Variants in TENM3 observed in about 807,000 individuals in gnomAD.
TENM3 encodes teneurin transmembrane protein 3.
TENM3 carries 63 observed loss-of-function variants against 255.1 expected under a neutral mutation model. The ratio of observed to expected loss-of-function variants is 0.25; its 90% confidence interval spans 0.20 to 0.30. The LOEUF (loss-of-function observed/expected upper bound fraction) is 0.30. Among genes scored for constraint, TENM3 ranks in the 10% least tolerant of loss-of-function variants. The pLI is 1.00. For synonymous variants in TENM3, 1,306 were observed against 1,322.3 expected (o/e 0.99, Z 0.27); for missense variants, 2,929 against 3,461.1 (o/e 0.85, Z 3.86).
At chr4:182,358,503 G>A (rs1580279287) in intron 3 of TENM3, among the ~76,000 whole-genome samples, 2 of 48,272 alleles carry the variant, frequency 4.1e-5, no homozygotes, top group East Asian at 1.5e-3. Context: ...GTTCCCTCAT[G>A]ATTTGGCTCT....
At chr4:182,178,901 A>C (rs924088328) in intron 1 of TENM3, among the ~76,000 whole-genome samples, 11 of 152,202 alleles carry the variant, frequency 7.2e-5, no homozygotes, top group Admixed American at 2.0e-4. Context: ...TGTTCCAGAT[A>C]TTTAAAAGCA....
chr4:181,815,250 G>A, the TENM3 span, among the ~76,000 whole-genome samples: 5 of 150,574 alleles, frequency 3.3e-5, no homozygotes, highest in Admixed American at 6.6e-5. Flanking sequence ...TCAGGAGTTC[G>A]AGACCAGCCT....
At position 182,675,267 on chromosome 4, in the gene TENM3, G is replaced by C. The variant is rs557788877; in HGVS notation, c.1326+2048G>C. ...TAATAACCAGATTTTCTTAAGGCTA[G>C]GCACAGTGACTTAGGCCTGTAATCC... On this transcript the variant is annotated intron_variant, in intron 7 of 27. Transcript: ENST00000511685. Among the ~76,000 whole-genome samples the C allele has an allele frequency of 3.3e-5, 5 of 152,206 alleles. No homozygotes were observed. The South Asian group carries it at 1.0e-3, about 32-fold the overall frequency.
intron 3 of TENM3, among the ~76,000 whole-genome samples, chr4:182,589,446 ATTTT>A (rs367629189): frequency 2.3e-5 from 3 of 129,396 alleles, no homozygotes; most frequent in Non-Finnish European, 4.8e-5. Flanking sequence ...TAGGTTTTTA[ATTTT>A]TTTTTTTTTT....
the TENM3 span, among the ~76,000 whole-genome samples, chr4:181,819,119 G>A: frequency 1.3e-5 from 2 of 152,052 alleles, no homozygotes; most frequent in Non-Finnish European, 1.5e-5. Context: ...TCCCTTCCTG[G>A]CTATGCCTCT....
the TENM3 span, among the ~76,000 whole-genome samples, chr4:181,485,438 T>A: frequency 6.6e-6 from 1 of 152,114 alleles, no homozygotes; most frequent in Non-Finnish European, 1.5e-5. Flanking sequence ...ATTCATCACT[T>A]GTCTAATTTA....
At chr4:182,583,048 T>C (rs973957048) in intron 3 of TENM3, among the ~76,000 whole-genome samples, 11 of 152,190 alleles carry the variant, frequency 7.2e-5, no homozygotes, top group Non-Finnish European at 1.2e-4. Context: ...AATGTTAATA[T>C]TTTTATTCTC....
At chr4:181,812,598 A>G in the TENM3 span, among the ~76,000 whole-genome samples, 2 of 152,178 alleles carry the variant, frequency 1.3e-5, no homozygotes, top group African/African-American at 4.8e-5. Flanking sequence ...TCTGAGTGCC[A>G]ATTTCTCTGC....
At chr4:182,002,270 ATGAAACAAGTCAG>A in the TENM3 span, among the ~76,000 whole-genome samples, 1 of 152,120 alleles carries the variant, frequency 6.6e-6, no homozygotes, top group Non-Finnish European at 1.5e-5. Context: ...TGGGATGCCC[ATGAAACAAGTCAG>A]AGTTGATGAA....
At chr4:182,786,634 T>C (rs1765684225) in intron 24 of TENM3, among the ~76,000 whole-genome samples, 1 of 151,120 alleles carries the variant, frequency 6.6e-6, no homozygotes. Context: ...CAGCACGTCA[T>C]ATCCACTCTG....
the TENM3 span, among the ~76,000 whole-genome samples, chr4:181,627,317 GAAGT>G: frequency 3.3e-5 from 5 of 152,186 alleles, no homozygotes; most frequent in South Asian, 1.0e-3. Context: ...CTCACAAAGG[GAAGT>G]AAGTGTGCAC....
At chr4:181,801,694 AT>A in the TENM3 span, among the ~76,000 whole-genome samples, 4 of 126,888 alleles carry the variant, frequency 3.2e-5, no homozygotes, top group African/African-American at 1.2e-4. Context: ...ATATATATAT[AT>A]ATGCAACAAT....
At chr4:182,612,473 G>A (rs1022893025) in intron 4 of TENM3, among the ~76,000 whole-genome samples, 2 of 152,066 alleles carry the variant, frequency 1.3e-5, no homozygotes, top group East Asian at 1.9e-4. Flanking sequence ...TAGGTTCCAC[G>A]ATCACCCATG....
the TENM3 span, among the ~76,000 whole-genome samples, chr4:182,053,766 T>A: frequency 1.3e-5 from 2 of 152,164 alleles, no homozygotes; most frequent in South Asian, 4.1e-4. Context: ...ATTTAATCTG[T>A]TCACTTGAAT....
intron 3 of TENM3, among the ~76,000 whole-genome samples, chr4:182,569,001 A>G (rs1215588670): frequency 2.6e-5 from 4 of 152,170 alleles, no homozygotes; most frequent in African/African-American, 9.7e-5. Flanking sequence ...GGAGGAAGGG[A>G]ATTGTCTGGA....
chr4:182,244,054 CG>C (rs1365576443), intron 1 of TENM3, among the ~76,000 whole-genome samples: 2 of 148,180 alleles, frequency 1.3e-5, no homozygotes, highest in Non-Finnish European at 3.0e-5. Context: ...CCCGGGTTCA[CG>C]CCATTCTCCT....
At chr4:181,554,395 G>C in the TENM3 span, among the ~76,000 whole-genome samples, 1 of 152,144 alleles carries the variant, frequency 6.6e-6, no homozygotes, top group Non-Finnish European at 1.5e-5. Context: ...GTTAGGCTTC[G>C]TCAATCAATT....
At chr4:181,865,528 A>G in the TENM3 span, among the ~76,000 whole-genome samples, 1 of 152,092 alleles carries the variant, frequency 6.6e-6, no homozygotes, top group East Asian at 1.9e-4. Context: ...GATCATGGAC[A>G]CGCTGACAGT....
the TENM3 span, among the ~76,000 whole-genome samples, chr4:181,700,929 G>A: frequency 6.6e-6 from 1 of 152,146 alleles, no homozygotes; most frequent in African/African-American, 2.4e-5. Flanking sequence ...TTAGTAAGGA[G>A]TATTGTCATG....
Sources: gnomAD v4.1 joint callset for allele counts (sites outside exome capture counted in the v4.1 genomes callset) on GRCh38, gnomAD v4.1.1 for gene constraint, MANE v1.5 for transcripts, NCBI Gene and HGNC (gene_info 2026-07-23, HGNC 2026-07-21) for gene names.